Variants in FMO5 observed in about 807,000 individuals in gnomAD.
FMO5 encodes the protein flavin-containing monooxygenase 5.
A neutral mutation model predicts 43.6 loss-of-function variants in FMO5; 51 were observed. The ratio of observed to expected loss-of-function variants is 1.17; its 90% CI spans 0.93 to 1.48. The LOEUF is 1.48. Ranked by LOEUF, FMO5 falls within the 40% of genes most tolerant of loss-of-function variation. The probability of loss-of-function intolerance (pLI) is 0.00; values close to 1 mark genes in which losing one functional copy is unlikely to be tolerated. For missense variants in FMO5, 644 were observed against 643.0 expected, an observed-to-expected ratio of 1.00 and a Z score of -0.02; for synonymous variants, 187 against 216.5, an observed-to-expected ratio of 0.86 and a Z score of 1.20.
chr1:147,203,803 A>G, intron 6 of FMO5: 1 of 1,549,138 alleles, frequency 6.5e-7, no homozygotes, highest in Non-Finnish European at 8.9e-7. Flanking sequence ...TAGAGCCCCG[A>G]AGTACTATGG....
At chr1:147,208,119 T>C (rs1660408741) in intron 6 of FMO5, among the ~76,000 whole-genome samples, 1 of 152,114 alleles carries the variant, frequency 6.6e-6, no homozygotes, top group African/African-American at 2.4e-5. Context: ...GCACTGTGCT[T>C]ATCTTATAGA....
At chr1:147,198,224 A>G (rs1658344201) in intron 7 of FMO5, among the ~76,000 whole-genome samples, 1 of 152,182 alleles carries the variant, frequency 6.6e-6, no homozygotes, top group Admixed American at 6.5e-5. Context: ...CAGAATTTAG[A>G]ATTTAATTTA....
chr1:147,188,854 G>A (rs1372592440), intron 8 of FMO5, among the ~76,000 whole-genome samples: 1 of 151,948 alleles, frequency 6.6e-6, no homozygotes, highest in Non-Finnish European at 1.5e-5. Context: ...GGAAAGAGAG[G>A]AGGAAAGTTA....
chr1:147,204,724 G>A, intron 6 of FMO5: 2 of 1,504,162 alleles, frequency 1.3e-6, no homozygotes, highest in Middle Eastern at 1.8e-4. Context: ...TAAAATAGTC[G>A]CTGCATCATT....
At chr1:147,206,066 A>G (rs1571290150) in intron 6 of FMO5, among the ~76,000 whole-genome samples, 3 of 150,884 alleles carry the variant, frequency 2.0e-5, no homozygotes, top group South Asian at 4.2e-4. Context: ...ATACAAATTT[A>G]CAAGAAAAAA....
intron 7 of FMO5, among the ~76,000 whole-genome samples, chr1:147,196,087 C>A (rs1186112412): frequency 6.6e-6 from 1 of 152,148 alleles, no homozygotes; most frequent in Non-Finnish European, 1.5e-5. Context: ...TAAGTCTTCT[C>A]ATTATCAGGC....
intron 5 of FMO5, chr1:147,210,721 AGTGTTTTTGTAAAAG>A (rs1298867089): frequency 6.6e-6 from 1 of 152,184 alleles, no homozygotes; most frequent in African/African-American, 2.4e-5. Flanking sequence ...ATAATTAAGC[AGTGTTTTTGTAAAAG>A]GTGTGGTATA....
intron 5 of FMO5, chr1:147,210,991 G>C (rs868928398): frequency 2.0e-5 from 3 of 152,092 alleles, no homozygotes; most frequent in Non-Finnish European, 4.4e-5. Flanking sequence ...TAAAGTTTTT[G>C]ATTTATAAAC....
At position 147,220,892 on chromosome 1, in the gene FMO5, T is replaced by C. The variant is rs587753897; in HGVS notation, c.135+4003A>G. Among the ~76,000 whole-genome samples the C allele has an allele frequency of 2.0e-5, 3 of 151,108 alleles. No individual in the cohort carries two copies. In the East Asian group the frequency reaches 5.8e-4, roughly 29 times the overall value. On this transcript the variant is annotated intron_variant, in intron 2 of 8. Coordinates refer to ENST00000254090, the MANE Select transcript of FMO5 (RefSeq NM_001461.4). ...TTCAACAAAGATATATTGTGGCATATATTGAATGCTAATTTCTTACTTATA... is the reference window on the plus strand; with the variant it reads ...TTCAACAAAGATATATTGTGGCATACATTGAATGCTAATTTCTTACTTATA...
At chr1:147,225,237 G>C in intron 1 of FMO5, 50 bp downstream of exon 1, 1 of 1,355,660 alleles carries the variant, frequency 7.4e-7, no homozygotes, top group Non-Finnish European at 9.6e-7. Flanking sequence ...GGAGCCCTGC[G>C]CCTGCAAGAC....
At chr1:147,215,432 C>T (rs1303134728) in intron 3 of FMO5, 1 of 229,882 alleles carries the variant, frequency 4.4e-6, no homozygotes, top group Non-Finnish European at 8.4e-6. Flanking sequence ...TTAAAGTTCC[C>T]ATACCTATCA....
At chr1:147,222,478 G>A (rs1360088857) in intron 2 of FMO5, among the ~76,000 whole-genome samples, 1 of 152,122 alleles carries the variant, frequency 6.6e-6, no homozygotes, top group Non-Finnish European at 1.5e-5. Context: ...TGGGAGGAAT[G>A]AGGACAGTTT....
At chr1:147,202,365 G>C (rs1450162461) in intron 6 of FMO5, among the ~76,000 whole-genome samples, 1 of 125,216 alleles carries the variant, frequency 8.0e-6, no homozygotes, top group Admixed American at 1.0e-4. Flanking sequence ...TTTTGCCGAA[G>C]CTGGAGTGCA....
At chr1:147,196,102 CAGT>C (rs1201762653) in intron 7 of FMO5, among the ~76,000 whole-genome samples, 1 of 152,130 alleles carries the variant, frequency 6.6e-6, no homozygotes, top group African/African-American at 2.4e-5. Context: ...TCAGGCTAAA[CAGT>C]ACATGTTTCC....
At chr1:147,184,633 G>A (rs781787551), downstream of FMO5, 11 of 1,535,502 alleles carry the variant, frequency 7.2e-6, no homozygotes, top group South Asian at 1.4e-4. The surrounding 1 kb of genome is among the most constrained non-coding windows in gnomAD (Gnocchi z 4.4). Context: ...TGGTTAGACT[G>A]CATTATGGTT....
At chr1:147,221,589 A>T (rs1487841660) in intron 2 of FMO5, among the ~76,000 whole-genome samples, 1 of 152,216 alleles carries the variant, frequency 6.6e-6, no homozygotes, top group Non-Finnish European at 1.5e-5. Flanking sequence ...TTATTCATTC[A>T]AGAGATATTT....
In FMO5 at chr1:147,186,748, T is replaced by C. The variant is rs1199876501; in HGVS notation, c.*152A>G. 9.0e-6 allele frequency: 13 copies of C among 1,436,926 alleles called. No individual in the cohort carries two copies. Among genetic ancestry groups the C allele is most frequent in the East Asian group, 2.5e-5 (1 of 40,436 alleles). The allele number at this position is 1,436,926 out of a possible 1,614,324, so 89.0% of individuals were successfully genotyped here. A position where few individuals can be genotyped will look rare whatever the true frequency, so the allele number is the denominator to read the frequency against. ...TAATACAAATGGAAAACAGGTTTCA[T>C]TGTAGGAAAAAGGAAAGTGAATTAA... On this transcript the variant is annotated 3_prime_UTR_variant, in exon 9 of 9. Coordinates refer to ENST00000254090, the MANE Select transcript of FMO5 (RefSeq NM_001461.4).
chr1:147,210,113 T>C (rs1559663504), intron 5 of FMO5: 1 of 152,208 alleles, frequency 6.6e-6, no homozygotes, highest in Non-Finnish European at 1.5e-5. Flanking sequence ...ACCCATGTTA[T>C]AGATGAGGGG....
chr1:147,203,461 G>C, intron 6 of FMO5: 1 of 829,840 alleles, frequency 1.2e-6, no homozygotes, highest in East Asian at 2.4e-5. Context: ...CGTTACAGCA[G>C]GGACTACAGC....
Sources: allele counts gnomAD v4.1 joint callset (sites outside exome capture counted in the v4.1 genomes callset), GRCh38; gene constraint gnomAD v4.1.1; non-coding constraint Gnocchi (gnomAD v3.1); transcripts MANE v1.5; gene names NCBI Gene and HGNC (gene_info 2026-07-23, HGNC 2026-07-21).